The following COL5A1 variants were observed in gnomAD, a reference collection of about 807,000 sequenced individuals.
The protein encoded by COL5A1 is collagen alpha-1(V) chain.
Under a neutral mutation model 263.7 loss-of-function variants are expected in COL5A1, and 16 were observed. The observed-to-expected ratio is 0.06, with a 90% CI of 0.04 to 0.09. The LOEUF (loss-of-function observed/expected upper bound fraction) is 0.09, where lower values mean the gene tolerates loss of function less well. Ranked by LOEUF, COL5A1 falls within the 10% of genes least tolerant of loss-of-function variation. The pLI is 1.00. For synonymous variants in COL5A1, 1,012 were observed against 1,004.5 expected (o/e 1.01, Z -0.14); for missense variants, 2,036 against 2,540.5 (o/e 0.80, Z 4.27).
intron 2 of COL5A1, 128 bp from the exon 3 acceptor site, chr9:134,699,781 A>T: frequency 1.2e-6 from 1 of 869,404 alleles, no homozygotes; most frequent in East Asian, 2.5e-5. Context: ...TGTGCAGCAG[A>T]TGGCAGTGCC....
At chr9:134,838,583 T>A (rs1839921271) in intron 65 of COL5A1, among the ~76,000 whole-genome samples, 1 of 152,082 alleles carries the variant, frequency 6.6e-6, no homozygotes, top group Non-Finnish European at 1.5e-5. Flanking sequence ...CCTGGCTCAC[T>A]CTCTCGCCCC....
chr9:134,814,618 A>G lies in COL5A1; in HGVS notation c.3907-179A>G, dbSNP rs571518537. Among the ~76,000 whole-genome samples the G allele has an allele frequency of 1.1e-3, 171 of 152,300 alleles. 3 individuals carry two copies. The Middle Eastern group carries it at 0.024, about 21-fold the overall frequency. On this transcript the variant is annotated intron_variant, in intron 49 of 65. Coordinates refer to ENST00000371817, the MANE Select transcript of COL5A1 (RefSeq NM_000093.5). ...GCTCCTCAGGTCCCCCTCAGGGTGC[A>G]CACAGGAGCTGATTCTGCCCAGGGC...
At chr9:134,654,292 T>TGGG (rs1588405668) in intron 1 of COL5A1, among the ~76,000 whole-genome samples, 2 of 110,588 alleles carry the variant, frequency 1.8e-5, no homozygotes, top group East Asian at 3.0e-4. Context: ...TGTGTAGAGC[T>TGGG]GGTGTGTATA....
chr9:134,699,146 G>C (rs1833581053), intron 2 of COL5A1, among the ~76,000 whole-genome samples: 1 of 152,180 alleles, frequency 6.6e-6, no homozygotes. Context: ...GGAGGGGCTG[G>C]GGCTCCCGGT....
intron 11 of COL5A1, among the ~76,000 whole-genome samples, chr9:134,747,828 T>TGC (rs1554791355): frequency 1.6e-5 from 1 of 62,380 alleles, no homozygotes; most frequent in African/African-American, 1.0e-4. Context: ...CATGCGTTCA[T>TGC]ACACATGCAG....
rs1236404767 is a variant in COL5A1, at chr9:134,806,230, C to T, written c.3300C>T (p.Pro1100=). 1.3e-6 allele frequency: 2 copies of T among 1,550,594 alleles called. No homozygotes were observed. The highest frequency in any genetic ancestry group is 1.7e-6 in the Non-Finnish European group (2 of 1,146,906). ...GERGPAGAAG[P]IGIPGRPGPQ... ...GAGGTCCAGCTGGAGCCGCTGGGCCCATCGGAATTCCAGGGAGACCTGGGC... is the reference window on the plus strand; with the variant it reads ...GAGGTCCAGCTGGAGCCGCTGGGCCTATCGGAATTCCAGGGAGACCTGGGC... The change falls in exon 42 of 66, where the codon CCC becomes CCT. Residue 1100 remains proline, a synonymous_variant. Coordinates refer to ENST00000371817, the MANE Select transcript of COL5A1 (RefSeq NM_000093.5).
chr9:134,707,023 G>T (rs541067979), intron 4 of COL5A1, among the ~76,000 whole-genome samples: 11 of 152,300 alleles, frequency 7.2e-5, no homozygotes, highest in African/African-American at 2.4e-4. Context: ...CTCATCTATG[G>T]GCCCTGAGCT....
intron 1 of COL5A1, among the ~76,000 whole-genome samples, chr9:134,654,670 CTG>C: frequency 9.4e-6 from 1 of 106,932 alleles, no homozygotes; most frequent in South Asian, 3.5e-4. Context: ...GTGTGTAGGG[CTG>C]TAGGTGTGTA....
chr9:134,757,731 C>T lies in COL5A1; in HGVS notation c.1882-512C>T, dbSNP rs372133694. Reference sequence around the variant, plus strand: ...CACCCATGAGACAGGGCCCTGTTCCCGGGCTCCAGGGCATGCAGAAGAGGG... The same window carrying T: ...CACCCATGAGACAGGGCCCTGTTCCTGGGCTCCAGGGCATGCAGAAGAGGG... On this transcript the variant is annotated intron_variant, in intron 17 of 65. Coordinates refer to ENST00000371817, the MANE Select transcript of COL5A1 (RefSeq NM_000093.5). The surrounding 1 kb of genome is among the most constrained non-coding windows in gnomAD (Gnocchi z 6.2). 1.1e-4 allele frequency among the ~76,000 whole-genome samples: 16 copies of T among 152,294 alleles called. No homozygotes were observed. The highest frequency in any genetic ancestry group is 3.4e-3 in the Middle Eastern group (1 of 294).
rs6537945 is a variant in COL5A1 at position 134,700,765 on chromosome 9, G to T, written c.492-406G>T. 0.32 allele frequency among the ~76,000 whole-genome samples: 48,219 copies of T among 152,080 alleles called. 8,615 individuals carry two copies. Among genetic ancestry groups the T allele is most frequent in the African/African-American group, 0.49 (20,400 of 41,472 alleles). On this transcript the variant is annotated intron_variant, in intron 3 of 65. Transcript: ENST00000371817. This position sits in a 1 kb window ranked among gnomAD's most constrained non-coding sequence, Gnocchi z 4.0. ...TTCAGAGGGCACGTGACAAGTGCTC[G>T]CATGCACACAGCAAAATACAACGGC...
rs548944898 is a variant in COL5A1, at chr9:134,691,204, C to T, written c.277+125C>T. ...TCAGCTTTCCAGGAAGCCCCTCTCA[C>T]GAGCCCGGCTTCGTTTCACTGTAGT... On this transcript the variant is annotated intron_variant, in intron 2 of 65. Transcript: ENST00000371817. 1.8e-4 allele frequency: 227 copies of T among 1,249,414 alleles called. 1 individual carries two copies. In the Middle Eastern group the frequency reaches 3.0e-3, roughly 16 times the overall value. 77.4% of individuals were successfully genotyped at this position (1,249,414 alleles called of 1,614,324 possible). A position where few individuals can be genotyped will look rare whatever the true frequency, so the allele number is the denominator to read the frequency against.
At chr9:134,659,650 C>T (rs1832139344) in intron 1 of COL5A1, among the ~76,000 whole-genome samples, 1 of 152,214 alleles carries the variant, frequency 6.6e-6, no homozygotes, top group South Asian at 2.1e-4. Flanking sequence ...GTCCTCCCTG[C>T]CCTCCTGCAT....
At chr9:134,654,796 C>T (rs1443943260) in intron 1 of COL5A1, among the ~76,000 whole-genome samples, 1 of 112,284 alleles carries the variant, frequency 8.9e-6, no homozygotes, top group Non-Finnish European at 1.8e-5. Context: ...GTGTGTAGAC[C>T]TCGTGTGTGT....
intron 4 of COL5A1, among the ~76,000 whole-genome samples, chr9:134,703,965 T>A (rs907418691): frequency 2.0e-5 from 3 of 152,132 alleles, no homozygotes; most frequent in Non-Finnish European, 2.9e-5. Flanking sequence ...TGTCATGCAG[T>A]CTCTTTTTTG....
rs538029707 is a variant in COL5A1 at position 134,760,609 on chromosome 9, GCA to G, written c.1936-1304_1936-1303del. Among the ~76,000 whole-genome samples, 391 of 43,460 alleles carry G rather than the reference GCA, an allele frequency of 9.0e-3. 9 individuals are homozygous for G. Among genetic ancestry groups the G allele is most frequent in the African/African-American group, 0.032 (269 of 8,420 alleles). 28.5% of individuals were successfully genotyped at this position (43,460 alleles called of 152,430 possible). On this transcript the variant is annotated intron_variant, in intron 18 of 65. Transcript: ENST00000371817. ...AGACACATGCACACACACCACACAT[GCA>G]CACACACACACCCACACACCCCCAC...
At chr9:134,674,210 T>C (rs530355629) in intron 1 of COL5A1, among the ~76,000 whole-genome samples, 2 of 152,262 alleles carry the variant, frequency 1.3e-5, no homozygotes, top group South Asian at 4.2e-4. Flanking sequence ...CAGAGACATG[T>C]ATGTGAGCAC....
At position 134,755,891 on chromosome 9, in the gene COL5A1, G is replaced by C. The variant is rs2132693976; in HGVS notation, c.1828-874G>C. Among the ~76,000 whole-genome samples the C allele has an allele frequency of 6.6e-6, 1 of 152,234 alleles. No homozygotes were observed. Among genetic ancestry groups the C allele is most frequent in the Admixed American group, 6.5e-5 (1 of 15,302 alleles). On this transcript the variant is annotated intron_variant, in intron 16 of 65. Transcript: ENST00000371817. This position sits in a 1 kb window ranked among gnomAD's most constrained non-coding sequence, Gnocchi z 4.1. ...CACCCTCCAGATCTTCTCTCTGCTT[G>C]GTGGTGGGTTGGGGGCAAGGGCCTC...
rs948161782 is a variant in COL5A1 at position 134,647,166 on chromosome 9, T to G, written c.109+4870T>G. ...GAGGGAGGTGTGCCTGTGTGGGGCC[T>G]GGCCCTGCTGAGACCCCTGGGGCTC... On this transcript the variant is annotated intron_variant, in intron 1 of 65. Coordinates refer to ENST00000371817, the MANE Select transcript of COL5A1 (RefSeq NM_000093.5). This position sits in a 1 kb window ranked among gnomAD's most constrained non-coding sequence, Gnocchi z 5.0. 6.6e-6 allele frequency among the ~76,000 whole-genome samples: 1 copy of G among 152,180 alleles called. No homozygotes were observed. Among genetic ancestry groups the G allele is most frequent in the African/African-American group, 2.4e-5 (1 of 41,444 alleles).
At position 134,821,683 on chromosome 9, in the gene COL5A1, C is replaced by T. The variant is rs1839006954; in HGVS notation, c.4555-414C>T. 6.6e-6 allele frequency among the ~76,000 whole-genome samples: 1 copy of T among 152,218 alleles called. No homozygotes were observed. Among genetic ancestry groups the T allele is most frequent in the Non-Finnish European group, 1.5e-5 (1 of 68,042 alleles). Reference sequence around the variant, plus strand: ...ATGGATGGGACTCCCTGCCCAACCCCTCCGGGCTTAGTTCTAGAGGGGAGA... The same window carrying T: ...ATGGATGGGACTCCCTGCCCAACCCTTCCGGGCTTAGTTCTAGAGGGGAGA... On this transcript the variant is annotated intron_variant, in intron 58 of 65. Coordinates refer to ENST00000371817, the MANE Select transcript of COL5A1 (RefSeq NM_000093.5). This position sits in a 1 kb window ranked among gnomAD's most constrained non-coding sequence, Gnocchi z 4.2.
Sources: gnomAD v4.1 joint callset for allele counts (sites outside exome capture counted in the v4.1 genomes callset) on GRCh38, gnomAD v4.1.1 for gene constraint, Gnocchi (gnomAD v3.1) non-coding constraint, MANE v1.5 for transcripts, NCBI Gene and HGNC (gene_info 2026-07-23, HGNC 2026-07-21) for gene names.